Variants in PRCD observed in about 807,000 individuals in gnomAD.
PRCD encodes the protein photoreceptor disc component.
A neutral mutation model predicts 10.1 loss-of-function variants in PRCD; 12 were observed. That is an observed-to-expected ratio of 1.18 (90% CI 0.76 to 1.92). The LOEUF is 1.92. PRCD is among the 40% of genes most tolerant of loss of function. PRCD has a pLI of 0.00. For missense variants in PRCD, 61 were observed against 72.2 expected (o/e 0.84, Z 0.56); for synonymous variants, 31 against 26.2 (o/e 1.18, Z -0.56).
chr17:76,531,707 G>A lies in PRCD; in HGVS notation n.45+3874G>A. On this transcript the variant is annotated intron_variant and non_coding_transcript_variant, in intron 1 of 4. Coordinates refer to the PRCD transcript ENST00000397633. This position sits in a 1 kb window ranked among gnomAD's most constrained non-coding sequence, Gnocchi z 7.4. ...CACAAAGAACCTGGCAAGAGGAACA[G>A]GGGTGGTCGCTGAAGCTGGAGGCTG... 1.3e-6 allele frequency: 2 copies of A among 1,573,040 alleles called. No homozygotes were observed. Among genetic ancestry groups the A allele is most frequent in the Non-Finnish European group, 1.7e-6 (2 of 1,151,562 alleles).
chr17:76,543,882 C>T lies in PRCD; in HGVS notation c.*232C>T, dbSNP rs547391139. On this transcript the variant is annotated 3_prime_UTR_variant, in exon 5 of 5. Coordinates refer to ENST00000592014, the MANE Select transcript of PRCD (RefSeq NM_001077620.3). ...GCCAGTTGGATCTGTGACATGTCTG[C>T]CTGCAGCTGGATGGGAGCAACGGAC... is the stretch of plus-strand genomic sequence containing the variant. 1 of 471,076 alleles carries T rather than the reference C, an allele frequency of 2.1e-6. No homozygotes were observed. The highest frequency in any genetic ancestry group is 6.9e-5 in the East Asian group (1 of 14,402). 29.2% of individuals were successfully genotyped at this position (471,076 alleles called of 1,614,324 possible).
chr17:76,529,402 G>A (rs149528597), intron 1 of PRCD: 526 of 985,390 alleles, frequency 5.3e-4, no homozygotes, highest in Non-Finnish European at 6.0e-4. Context: ...GACTTCGGCC[G>A]TTTCAAAATG....
rs1276111026 is a variant in PRCD, at chr17:76,530,890, C to T, written n.45+3057C>T. On this transcript the variant is annotated intron_variant and non_coding_transcript_variant, in intron 1 of 4. Transcript: ENST00000397633. This position sits in a 1 kb window ranked among gnomAD's most constrained non-coding sequence, Gnocchi z 6.1. ...AAGTGTGCCTGCCCAGGTGATCAGC[C>T]CCAGGGCCTCAGGAGATATGGGAGA... 7.1e-7 allele frequency: 1 copy of T among 1,411,802 alleles called. No individual in the cohort carries two copies. The highest frequency in any genetic ancestry group is 9.5e-7 in the Non-Finnish European group (1 of 1,054,166). 87.5% of individuals were successfully genotyped at this position (1,411,802 alleles called of 1,614,324 possible). A position where few individuals can be genotyped will look rare whatever the true frequency, so the allele number is the denominator to read the frequency against.
chr17:76,532,853 C>A (rs895123875), intron 1 of PRCD, among the ~76,000 whole-genome samples: 1 of 152,194 alleles, frequency 6.6e-6, no homozygotes, highest in Non-Finnish European at 1.5e-5. Flanking sequence ...GACTTTTTCA[C>A]CTCCCCTCCC....
At chr17:76,543,726 C>T (rs1444649345) in intron 4 of PRCD, 77 bp from the exon 5 acceptor site, 1 of 467,906 alleles carries the variant, frequency 2.1e-6, no homozygotes, top group East Asian at 7.0e-5. Context: ...TTCTGTTAAG[C>T]CGCCACTTGT....
chr17:76,540,227 A>G lies in PRCD; in HGVS notation c.74+12A>G. 1 of 850,750 alleles carries G rather than the reference A, an allele frequency of 1.2e-6. No homozygotes were observed. The highest frequency in any genetic ancestry group is 5.4e-5 in the East Asian group (1 of 18,372). The allele number at this position is 850,750 out of a possible 1,614,324, so 52.7% of individuals were successfully genotyped here. On this transcript the variant is annotated intron_variant, in intron 1 of 4. Transcript: ENST00000592014. The surrounding 1 kb of genome is among the most constrained non-coding windows in gnomAD (Gnocchi z 5.0). ...AACCGAGTCCAACCGTGAGAAACTG[A>G]CCGGGCTATGGCTGGCGGTTGGTCG... is the stretch of plus-strand genomic sequence containing the variant.
In PRCD at chr17:76,540,430, G is replaced by A. The variant is rs1183283000; in HGVS notation, c.75-75G>A. The A allele has an allele frequency of 3.3e-6, 5 of 1,518,186 alleles. No homozygotes were observed. Among genetic ancestry groups the A allele is most frequent in the Middle Eastern group, 1.7e-4 (1 of 5,914 alleles). The allele number at this position is 1,518,186 out of a possible 1,614,324, so 94.0% of individuals were successfully genotyped here. ...AGCCTCTACTCCCATAGCCCAATGC[G>A]GCCTGGACCTGTGGAGGGACAGTGA... On this transcript the variant is annotated intron_variant, in intron 1 of 4. Transcript: ENST00000592014. The surrounding 1 kb of genome is among the most constrained non-coding windows in gnomAD (Gnocchi z 5.0).
At chr17:76,539,738 G>A (rs942021475), upstream of PRCD, among the ~76,000 whole-genome samples, 1 of 152,122 alleles carries the variant, frequency 6.6e-6, no homozygotes, top group Non-Finnish European at 1.5e-5. Flanking sequence ...CTCTTTAAAC[G>A]TTGCCCTGAT....
chr17:76,527,714 C>T (rs551099022), upstream of PRCD: 17 of 454,058 alleles, frequency 3.7e-5, no homozygotes, highest in African/African-American at 2.6e-4. Context: ...TCCCCCGGGG[C>T]TGCCCTGGTG....
At chr17:76,537,249 G>T (rs948856002), upstream of PRCD, 4 of 847,992 alleles carry the variant, frequency 4.7e-6, no homozygotes, top group Non-Finnish European at 6.6e-6. Context: ...ACCCCAAGGC[G>T]CCCCACGCCG....
upstream of PRCD, chr17:76,537,357 C>T: frequency 6.5e-7 from 1 of 1,544,382 alleles, no homozygotes; most frequent in Non-Finnish European, 8.7e-7. Context: ...GAGCCGCTGC[C>T]GCCCTCCCTG....
At chr17:76,551,266 C>T (rs1315477992) in intron 1 of PRCD, 4 of 152,166 alleles carry the variant, frequency 2.6e-5, no homozygotes, top group Admixed American at 6.5e-5. Context: ...TGTGAGAAGG[C>T]AAGGGTTTCT....
chr17:76,537,275 T>G, upstream of PRCD: 1 of 1,161,142 alleles, frequency 8.6e-7, no homozygotes, highest in Non-Finnish European at 1.1e-6. Flanking sequence ...TCCGCCGACC[T>G]CGGACCGGCC....
At chr17:76,546,212 G>A (rs2075051585), downstream of PRCD, 1 of 152,422 alleles carries the variant, frequency 6.6e-6, no homozygotes, top group Admixed American at 6.6e-5. The surrounding 1 kb of genome is among the most constrained non-coding windows in gnomAD (Gnocchi z 4.5). Flanking sequence ...GCTGCAGGGC[G>A]GCTGAGGGCA....
chr17:76,545,455 G>C (rs1055721168), downstream of PRCD: 28 of 442,090 alleles, frequency 6.3e-5, no homozygotes, highest in Non-Finnish European at 1.1e-4. Context: ...AGTGCTCAGG[G>C]GCTTGGGAGA....
At position 76,544,970 on chromosome 17, in the gene PRCD, A is replaced by G. The variant is rs1456521001; in HGVS notation, c.*1320A>G. 2.2e-6 allele frequency: 1 copy of G among 455,172 alleles called. No individual in the cohort carries two copies. The highest frequency in any genetic ancestry group is 4.4e-6 in the Non-Finnish European group (1 of 226,496). The allele number at this position is 455,172 out of a possible 1,614,324, so 28.2% of individuals were successfully genotyped here. A position where few individuals can be genotyped will look rare whatever the true frequency, so the allele number is the denominator to read the frequency against. ...TCCATCCAGAGGAAGGGCGGGAAAA[A>G]GAGAGGAAGGGGCTGCTGGCGGCCA... On this transcript the variant is annotated 3_prime_UTR_variant, in exon 5 of 5. Transcript: ENST00000592014.
chr17:76,537,391 G>A (rs1190250724), upstream of PRCD: 2 of 1,584,372 alleles, frequency 1.3e-6, no homozygotes, highest in East Asian at 2.4e-5. Flanking sequence ...CGGGCCGGGC[G>A]ACACCTACCT....
rs1003607866 is a variant in PRCD, at chr17:76,540,811, T to C, written c.143+238T>C. The stretch of plus-strand genomic sequence containing the variant: ...GACCAAAGCCGCTGTGCCTCTCATC[T>C]CCAGCACGGGGCGGTCCCCCGGGGC... On this transcript the variant is annotated intron_variant, in intron 2 of 4. Coordinates refer to ENST00000592014, the MANE Select transcript of PRCD (RefSeq NM_001077620.3). This position sits in a 1 kb window ranked among gnomAD's most constrained non-coding sequence, Gnocchi z 5.0. 3.9e-5 allele frequency among the ~76,000 whole-genome samples: 6 copies of C among 152,192 alleles called. No individual in the cohort carries two copies. Among genetic ancestry groups the C allele is most frequent in the Non-Finnish European group, 8.8e-5 (6 of 68,028 alleles).
chr17:76,548,250 TC>T (rs1254271600), downstream of PRCD, among the ~76,000 whole-genome samples: 2 of 151,276 alleles, frequency 1.3e-5, no homozygotes, highest in African/African-American at 4.9e-5. Flanking sequence ...ATACACACAG[TC>T]ACACACACAG....
Sources: gnomAD v4.1 joint callset for allele counts (sites outside exome capture counted in the v4.1 genomes callset) on GRCh38, gnomAD v4.1.1 for gene constraint, Gnocchi (gnomAD v3.1) non-coding constraint, MANE v1.5 for transcripts, NCBI Gene and HGNC (gene_info 2026-07-23, HGNC 2026-07-21) for gene names.